Variants in HOMER2 observed in about 807,000 individuals in gnomAD.
HOMER2 encodes the protein homer protein homolog 2.
A neutral mutation model predicts 47.0 loss-of-function variants in HOMER2; 27 were observed. The observed-to-expected ratio is 0.57, with a 90% CI of 0.42 to 0.79. The LOEUF (loss-of-function observed/expected upper bound fraction) is 0.79. Ranked by LOEUF, HOMER2 falls within the 30% of genes least tolerant of loss-of-function variation. HOMER2 has a pLI of 0.00. For missense variants in HOMER2, 443 were observed against 435.0 expected (o/e 1.02, Z -0.16); for synonymous variants, 161 against 163.8 (o/e 0.98, Z 0.13).
rs141127615 is a variant in HOMER2, at chr15:82,916,251, C to A, written c.6-23410G>T. 8.7e-4 allele frequency among the ~76,000 whole-genome samples: 132 copies of A among 152,324 alleles called. 2 individuals are homozygous for A. The East Asian group carries it at 0.022, about 25-fold the overall frequency. ...GAGCGAGTTGCTAAACAGCACCATC[C>A]TCTGCTCCCATTCTTATAAATATGT... On this transcript the variant is annotated intron_variant, in intron 1 of 8. Coordinates refer to ENST00000450735, the MANE Select transcript of HOMER2 (RefSeq NM_004839.4).
intron 1 of HOMER2, among the ~76,000 whole-genome samples, chr15:82,963,735 A>G (rs1440424187): frequency 1.3e-5 from 2 of 152,208 alleles, no homozygotes; most frequent in Non-Finnish European, 2.9e-5. Flanking sequence ...GGAGCTGTGA[A>G]GGTAAAGGCT....
At chr15:82,982,145 C>T (rs1157795936) in intron 1 of HOMER2, among the ~76,000 whole-genome samples, 1 of 152,142 alleles carries the variant, frequency 6.6e-6, no homozygotes, top group Non-Finnish European at 1.5e-5. Flanking sequence ...ATATTACTAT[C>T]CAGAAGAATA....
Position 82,936,597 on chromosome 15 carries a change from G to A in HOMER2, c.5+15934C>T, listed in dbSNP as rs180811244. ...CTTTTTTTTGTTTGTTTTTGAGACA[G>A]ACTCTTGCTCTGTCACCCAGACTGG... On this transcript the variant is annotated intron_variant, in intron 1 of 8. Coordinates refer to ENST00000450735, the MANE Select transcript of HOMER2 (RefSeq NM_004839.4). Among the ~76,000 whole-genome samples, 230 of 152,246 alleles carry A rather than the reference G, an allele frequency of 1.5e-3. 2 individuals carry two copies. The highest frequency in any genetic ancestry group is 5.3e-3 in the African/African-American group (220 of 41,556).
downstream of HOMER2, among the ~76,000 whole-genome samples, chr15:82,848,758 C>T (rs1028645179): frequency 6.6e-6 from 1 of 152,186 alleles, no homozygotes; most frequent in Non-Finnish European, 1.5e-5. Flanking sequence ...TCTGGAGAGC[C>T]CCAGGGGCAG....
chr15:82,842,759 A>T (rs1402516899), exon 2 of HOMER2: 2 of 152,232 alleles, frequency 1.3e-5, no homozygotes, highest in Non-Finnish European at 2.9e-5. Flanking sequence ...ACTCAAGGCC[A>T]GGGTGCTTAT....
intron 1 of HOMER2, among the ~76,000 whole-genome samples, chr15:82,976,685 T>A: frequency 6.7e-6 from 1 of 149,774 alleles, no homozygotes; most frequent in East Asian, 2.0e-4. Context: ...GTGGTTTTTT[T>A]TTTTTTTTTT....
At chr15:82,986,010 G>A, upstream of HOMER2, 1 of 956,828 alleles carries the variant, frequency 1.0e-6, no homozygotes, top group Non-Finnish European at 1.2e-6. Context: ...GTTTTCGACT[G>A]CCCAGCCACC....
intron 1 of HOMER2, chr15:82,926,025 T>C (rs115373749): frequency 0.011 from 1,618 of 152,382 alleles, 33 homozygotes; most frequent in African/African-American, 0.037. Context: ...GACCTTCTCT[T>C]CTCTTGCCTC....
intron 1 of HOMER2, among the ~76,000 whole-genome samples, chr15:82,928,851 C>G (rs913549211): frequency 1.3e-5 from 2 of 149,948 alleles, no homozygotes; most frequent in Non-Finnish European, 3.0e-5. Context: ...CACCTTCCCT[C>G]TCACATTCCC....
chr15:82,896,205 G>A (rs144414889), intron 1 of HOMER2, among the ~76,000 whole-genome samples: 72 of 152,206 alleles, frequency 4.7e-4, no homozygotes, highest in African/African-American at 1.7e-3. Context: ...TGCGGCCTGT[G>A]GTGGCCCAGC....
At chr15:82,876,097 C>T (rs975006090) in intron 2 of HOMER2, among the ~76,000 whole-genome samples, 2 of 152,240 alleles carry the variant, frequency 1.3e-5, no homozygotes, top group African/African-American at 4.8e-5. Context: ...TTGGGGGACA[C>T]AGTCAGCACA....
chr15:82,848,934 C>G (rs1365149293), downstream of HOMER2: 1 of 152,254 alleles, frequency 6.6e-6, no homozygotes, highest in African/African-American at 2.4e-5. Flanking sequence ...TCGACAGGGT[C>G]CCAGCTCTGC....
chr15:82,896,583 G>C (rs972711004), intron 1 of HOMER2, among the ~76,000 whole-genome samples: 7 of 152,220 alleles, frequency 4.6e-5, no homozygotes, highest in African/African-American at 1.7e-4. Context: ...TCCAGTGTGA[G>C]GGGAGGCACA....
chr15:82,960,509 G>A (rs918674086), intron 1 of HOMER2, among the ~76,000 whole-genome samples: 1 of 152,090 alleles, frequency 6.6e-6, no homozygotes, highest in Admixed American at 6.5e-5. Context: ...TTCTAATGTG[G>A]ATCAATTCCC....
At chr15:82,985,681 G>C (rs552744325) in intron 1 of HOMER2, 4 of 152,346 alleles carry the variant, frequency 2.6e-5, no homozygotes, top group Admixed American at 2.6e-4. Context: ...ACAAGACATG[G>C]GCAAGACTCT....
intron 1 of HOMER2, among the ~76,000 whole-genome samples, chr15:82,929,214 C>T (rs1341722825): frequency 1.3e-5 from 2 of 151,956 alleles, no homozygotes; most frequent in Admixed American, 1.3e-4. Flanking sequence ...TAGAAGTGAT[C>T]GTAATATACA....
chr15:82,968,096 C>G (rs1433973372), intron 1 of HOMER2, among the ~76,000 whole-genome samples: 1 of 152,098 alleles, frequency 6.6e-6, no homozygotes, highest in Non-Finnish European at 1.5e-5. Context: ...GAGGTAGAGT[C>G]TCACTGTGTT....
At chr15:82,958,753 G>C (rs2054606119) in exon 2 of HOMER2, 1 of 152,552 alleles carries the variant, frequency 6.6e-6, no homozygotes, top group South Asian at 2.1e-4. Context: ...GGCCTGGGAA[G>C]CTGCAGCTGC....
chr15:82,900,899 C>T lies in HOMER2; in HGVS notation c.6-8058G>A, dbSNP rs778980078. ...AATTAGTGATCTGATAGAAGAAATA[C>T]TTGTCACAAATCCTCCTAGTCCTCT... On this transcript the variant is annotated intron_variant, in intron 1 of 8. Transcript: ENST00000450735. Among the ~76,000 whole-genome samples the T allele has an allele frequency of 2.6e-5, 4 of 152,230 alleles. No homozygotes were observed. In the South Asian group the frequency reaches 8.3e-4, roughly 32 times the overall value.
Sources: allele counts gnomAD v4.1 joint callset (sites outside exome capture counted in the v4.1 genomes callset), GRCh38; gene constraint gnomAD v4.1.1; transcripts MANE v1.5; gene names NCBI Gene and HGNC (gene_info 2026-07-23, HGNC 2026-07-21).